The following KIF5B variants were observed in gnomAD, a reference collection of about 807,000 sequenced individuals.
KIF5B encodes kinesin-1 heavy chain.
Under a neutral mutation model 132.8 loss-of-function variants are expected in KIF5B, and 49 were observed. The observed-to-expected ratio is 0.37, with a 90% CI of 0.29 to 0.47. The LOEUF is 0.47. Among genes scored for constraint, KIF5B ranks in the 20% least tolerant of loss-of-function variants. The pLI is 1.00. For synonymous variants in KIF5B, 355 were observed against 369.4 expected (o/e 0.96, Z 0.45); for missense variants, 780 against 1,144.0 (o/e 0.68, Z 4.59).
intron 1 of KIF5B, among the ~76,000 whole-genome samples, chr10:32,050,571 A>G (rs1474848075): frequency 6.6e-6 from 1 of 152,210 alleles, no homozygotes; most frequent in Non-Finnish European, 1.5e-5. Flanking sequence ...AAGGGCCTAT[A>G]TCCAGGCTTT....
Position 32,031,107 on chromosome 10 carries a change from T to C in KIF5B, c.1547A>G (p.Tyr516Cys). ...ATTCAATTCATCACTAAGCAATTCA[T>C]ATTCCTTAGTTTTGTCTTCAACTTC... ...SQEVEDKTKE[Y>C]ELLSDELNQK... Residue 516 changes from tyrosine (Y) to cysteine (C), a missense_variant, in exon 14 of 26, where the codon TAT (tyrosine) becomes TGT (cysteine). By Grantham distance (194) the Tyr-to-Cys change is radical. Coordinates refer to ENST00000302418, the MANE Select transcript of KIF5B (RefSeq NM_004521.3). 2.5e-6 allele frequency: 4 copies of C among 1,612,214 alleles called. No homozygotes were observed. The highest frequency in any genetic ancestry group is 3.4e-6 in the Non-Finnish European group (4 of 1,178,430).
chr10:32,012,805 G>T (rs1031846895), intron 25 of KIF5B, among the ~76,000 whole-genome samples: 2 of 152,018 alleles, frequency 1.3e-5, no homozygotes, highest in Admixed American at 6.5e-5. Context: ...TCTATGCTTT[G>T]AAAATCCCCT....
rs1452049883 is a variant in KIF5B, at chr10:32,051,746, G to C, written c.127-3195C>G. Among the ~76,000 whole-genome samples the C allele has an allele frequency of 2.0e-5, 3 of 152,244 alleles. No homozygotes were observed. In the East Asian group the frequency reaches 5.8e-4, roughly 29 times the overall value. On this transcript the variant is annotated intron_variant, in intron 1 of 25. Transcript: ENST00000302418. The stretch of plus-strand genomic sequence containing the variant: ...AAGTAAGGCAAATGTTTTAATTAAA[G>C]ATCTAGCCATAAATTACTGACTCTG...
chr10:32,019,821 T>A, intron 20 of KIF5B, 37 bp downstream of exon 20: 1 of 1,402,294 alleles, frequency 7.1e-7, no homozygotes, highest in Non-Finnish European at 1.0e-6. Flanking sequence ...CTAATTTAGC[T>A]TTTATTTTTA....
chr10:32,048,564 A>G lies in KIF5B; in HGVS notation c.127-13T>C, dbSNP rs910203715. The G allele has an allele frequency of 1.9e-6, 3 of 1,596,034 alleles. No homozygotes were observed. The highest frequency in any genetic ancestry group is 1.3e-5 in the African/African-American group (1 of 74,432). ...CATAAGGCTTGGACTGAAAAACAAA[A>G]AAGTGTTTCAACTATACAAATTAAA... is the stretch of plus-strand genomic sequence containing the variant. On this transcript the variant is annotated splice_polypyrimidine_tract_variant and intron_variant, in intron 1 of 25. Transcript: ENST00000302418.
At chr10:32,025,581 G>A (rs917885704) in intron 15 of KIF5B, among the ~76,000 whole-genome samples, 1 of 152,094 alleles carries the variant, frequency 6.6e-6, no homozygotes, top group South Asian at 2.1e-4. Context: ...TCACCACTTT[G>A]GCCAGGCTGG....
intron 12 of KIF5B, among the ~76,000 whole-genome samples, chr10:32,033,638 A>G (rs1451460930): frequency 6.6e-6 from 1 of 152,220 alleles, no homozygotes; most frequent in Non-Finnish European, 1.5e-5. Flanking sequence ...AAGAAAAGAT[A>G]CATGCTCATA....
rs372111057 is a variant in KIF5B, at chr10:32,024,369, T to C, written c.1726-1333A>G. 4.9e-3 allele frequency among the ~76,000 whole-genome samples: 720 copies of C among 147,020 alleles called. 23 individuals are homozygous for C. In the East Asian group the frequency reaches 0.067, roughly 14 times the overall value. ...CGGGGTTTCACCGTTTTAGCCAGGA[T>C]GGTCTTGATCTCCTGACCTCGTGAT... is the stretch of plus-strand genomic sequence containing the variant. On this transcript the variant is annotated intron_variant, in intron 15 of 25. Coordinates refer to ENST00000302418, the MANE Select transcript of KIF5B (RefSeq NM_004521.3).
rs990123516 is a variant in KIF5B at position 32,010,890 on chromosome 10, T to C, written c.*647A>G. 6.6e-6 allele frequency: 1 copy of C among 152,172 alleles called. No homozygotes were observed. Among genetic ancestry groups the C allele is most frequent in the African/African-American group, 2.4e-5 (1 of 41,446 alleles). The allele number at this position is 152,172 out of a possible 1,614,324, so 9.4% of individuals were successfully genotyped here. On this transcript the variant is annotated 3_prime_UTR_variant, in exon 26 of 26. Coordinates refer to ENST00000302418, the MANE Select transcript of KIF5B (RefSeq NM_004521.3). ...GCCTTGCTCAGTCTCAAATGCCTAT[T>C]AGGCATTTGTAACGTTTCAGTGCTC...
intron 8 of KIF5B, among the ~76,000 whole-genome samples, chr10:32,036,891 C>A (rs934670703): frequency 1.3e-5 from 2 of 152,078 alleles, no homozygotes; most frequent in Non-Finnish European, 2.9e-5. Context: ...AAAGACTAAT[C>A]GAGAGTTACC....
chr10:32,052,448 G>A (rs937308923), intron 1 of KIF5B, among the ~76,000 whole-genome samples: 3 of 152,108 alleles, frequency 2.0e-5, no homozygotes, highest in Non-Finnish European at 2.9e-5. Flanking sequence ...CTAATTTCTC[G>A]GAACTACCAC....
At chr10:32,048,026 T>TA (rs1841636591) in intron 2 of KIF5B, among the ~76,000 whole-genome samples, 1 of 152,226 alleles carries the variant, frequency 6.6e-6, no homozygotes, top group South Asian at 2.1e-4. Context: ...CAACCCTTGT[T>TA]AAATTCCTCA....
intron 2 of KIF5B, 51 bp downstream of exon 2, chr10:32,048,413 C>A (rs1841643398): frequency 1.6e-6 from 2 of 1,251,030 alleles, no homozygotes; most frequent in Admixed American, 2.1e-5. Context: ...GAAAAGATCA[C>A]AAACTTATTT....
intron 12 of KIF5B, among the ~76,000 whole-genome samples, chr10:32,033,424 A>G (rs1841425215): frequency 6.6e-6 from 1 of 152,198 alleles, no homozygotes; most frequent in Admixed American, 6.5e-5. Context: ...CGCGAACTCT[A>G]TTATCAGCTG....
chr10:32,028,344 A>C (rs1337137857), intron 15 of KIF5B, 84 bp downstream of exon 15: 2 of 1,111,730 alleles, frequency 1.8e-6, no homozygotes, highest in South Asian at 3.1e-5. Context: ...ATGAATACGA[A>C]AAGAACTTTA....
In KIF5B at chr10:32,055,917, G is replaced by A. The variant is rs1841756051; in HGVS notation, c.57C>T (p.Asn19=). The A allele has an allele frequency of 1.2e-6, 2 of 1,612,298 alleles. No homozygotes were observed. The highest frequency in any genetic ancestry group is 1.6e-4 in the Middle Eastern group (1 of 6,082). Residue 19 remains asparagine, a synonymous_variant, in exon 1 of 26, where the codon AAC becomes AAT. Transcript: ENST00000302418. The stretch of plus-strand genomic sequence containing the variant: ...TGTCGCCGCGGTTCACTTCAGACTC[G>A]TTGAGAGGTCTGAAGCGACACATCA... ...IKVMCRFRPL[N]ESEVNRGDKY...
chr10:32,040,481 CA>C, intron 2 of KIF5B, 24 bp from the exon 3 acceptor site: 1 of 1,400,656 alleles, frequency 7.1e-7, no homozygotes, highest in African/African-American at 1.4e-5. Flanking sequence ...TTTTATAGTT[CA>C]GGGGATTTTT....
At chr10:32,053,233 G>A (rs1046610726) in intron 1 of KIF5B, among the ~76,000 whole-genome samples, 5 of 151,922 alleles carry the variant, frequency 3.3e-5, no homozygotes, top group Non-Finnish European at 5.9e-5. Context: ...GCTCCTCCTG[G>A]CTGCTCTTAT....
intron 24 of KIF5B, 67 bp downstream of exon 24, chr10:32,017,076 A>T (rs1365698008): frequency 2.3e-6 from 3 of 1,311,640 alleles, no homozygotes; most frequent in Non-Finnish European, 2.2e-6. Flanking sequence ...AATTCGGATT[A>T]CGTTTTCCAC....
Sources: allele counts gnomAD v4.1 joint callset (sites outside exome capture counted in the v4.1 genomes callset), GRCh38; gene constraint gnomAD v4.1.1; transcripts MANE v1.5; gene names NCBI Gene and HGNC (gene_info 2026-07-23, HGNC 2026-07-21).